Variants in SEZ6L observed in about 807,000 individuals in gnomAD.
SEZ6L encodes the protein seizure related 6 homolog like, also known as seizure 6-like protein.
Under a neutral mutation model 106.2 loss-of-function variants are expected in SEZ6L, and 37 were observed. That is an observed-to-expected ratio of 0.35 (90% CI 0.27 to 0.46). The LOEUF (loss-of-function observed/expected upper bound fraction) is 0.46. Among genes scored for constraint, SEZ6L ranks in the 20% least tolerant of loss-of-function variants. SEZ6L has a pLI of 1.00. For synonymous variants in SEZ6L, 541 were observed against 570.4 expected, an observed-to-expected ratio of 0.95 and a Z score of 0.73; for missense variants, 1,172 against 1,332.8, an observed-to-expected ratio of 0.88 and a Z score of 1.88.
chr22:26,203,450 T>C (rs1400202143), intron 1 of SEZ6L, among the ~76,000 whole-genome samples: 1 of 152,250 alleles, frequency 6.6e-6, no homozygotes, highest in Non-Finnish European at 1.5e-5. Context: ...ATTGTTCACA[T>C]CTTTGGCAAG....
chr22:26,330,348 C>G (rs1171944897), intron 9 of SEZ6L, among the ~76,000 whole-genome samples: 1 of 152,178 alleles, frequency 6.6e-6, no homozygotes, highest in Non-Finnish European at 1.5e-5. Context: ...GTCGTACTTA[C>G]AGGGTTAGTC....
Position 26,351,172 on chromosome 22 carries a change from G to A in SEZ6L, c.2528G>A (p.Ser843Asn). The change falls in exon 12 of 17, where the codon AGT becomes AAT. Residue 843 changes from serine to asparagine, a missense_variant. Physicochemically the swap from Ser to Asn is conservative, Grantham distance 46 (BLOSUM62 1). Coordinates refer to ENST00000248933, the MANE Select transcript of SEZ6L (RefSeq NM_021115.5). ...TCNPGFVLEG[S>N]SLLTCYSRET... ...AACCCCGGTTTTGTGCTTGAAGGGA[G>A]TTCTCTTCTGACCTGCTACAGCCGT... is the stretch of plus-strand genomic sequence containing the variant. The A allele has an allele frequency of 4.3e-6, 7 of 1,614,190 alleles. No homozygotes were observed. Among genetic ancestry groups the A allele is most frequent in the Non-Finnish European group, 5.9e-6 (7 of 1,180,036 alleles).
intron 9 of SEZ6L, among the ~76,000 whole-genome samples, chr22:26,321,756 T>G (rs770017742): frequency 3.3e-5 from 5 of 152,204 alleles, no homozygotes; most frequent in Admixed American, 1.3e-4. Flanking sequence ...TTGCAATTGT[T>G]ATTTTTCACA....
chr22:26,252,744 C>G (rs562748687), intron 1 of SEZ6L, among the ~76,000 whole-genome samples: 26 of 152,162 alleles, frequency 1.7e-4, no homozygotes, highest in African/African-American at 5.8e-4. Context: ...CTGCTAGGGA[C>G]GTGATTTTGT....
intron 9 of SEZ6L, among the ~76,000 whole-genome samples, chr22:26,315,838 A>T (rs1450096881): frequency 6.6e-6 from 1 of 152,032 alleles, no homozygotes; most frequent in Non-Finnish European, 1.5e-5. Flanking sequence ...TAGGAGAATC[A>T]CTTGGGGCCA....
At chr22:26,228,763 G>A (rs1239568901) in intron 1 of SEZ6L, among the ~76,000 whole-genome samples, 2 of 152,144 alleles carry the variant, frequency 1.3e-5, no homozygotes, top group African/African-American at 4.8e-5. Context: ...AGGAAATTGA[G>A]GCTCAGAGAG....
chr22:26,233,839 A>C (rs948819202), intron 1 of SEZ6L, among the ~76,000 whole-genome samples: 1 of 152,164 alleles, frequency 6.6e-6, no homozygotes, highest in Admixed American at 6.5e-5. Flanking sequence ...GTAGTCCCCC[A>C]TAGAAGGTGA....
chr22:26,224,539 G>A (rs1363921464), intron 1 of SEZ6L, among the ~76,000 whole-genome samples: 1 of 152,164 alleles, frequency 6.6e-6, no homozygotes, highest in Non-Finnish European at 1.5e-5. Context: ...ATAGGATTGT[G>A]TAAAACTCAC....
intron 1 of SEZ6L, among the ~76,000 whole-genome samples, chr22:26,264,016 C>T (rs762077801): frequency 4.6e-5 from 7 of 152,220 alleles, no homozygotes; most frequent in Admixed American, 2.6e-4. Context: ...CTCTACCTCA[C>T]GTGTGAAACC....
At chr22:26,367,043 TTACA>T (rs1460207972) in intron 13 of SEZ6L, among the ~76,000 whole-genome samples, 3 of 152,136 alleles carry the variant, frequency 2.0e-5, no homozygotes. Context: ...ATATATACAT[TTACA>T]TACATACATA....
At chr22:26,217,524 A>C (rs1211365178) in intron 1 of SEZ6L, among the ~76,000 whole-genome samples, 1 of 152,218 alleles carries the variant, frequency 6.6e-6, no homozygotes, top group Non-Finnish European at 1.5e-5. Flanking sequence ...TCACTTCTGA[A>C]GACAGCTCTG....
rs142558497 is a variant in SEZ6L, at chr22:26,318,337, G to T, written c.2015+4435G>T. On this transcript the variant is annotated intron_variant, in intron 9 of 16. Transcript: ENST00000248933. ...GATCTGCCTGCCTCAGCCTCCCAAAGTGGTGGGATTACAGGTGTGAGCCAC... is the reference window on the plus strand; with the variant it reads ...GATCTGCCTGCCTCAGCCTCCCAAATTGGTGGGATTACAGGTGTGAGCCAC... Among the ~76,000 whole-genome samples, 265 of 151,954 alleles carry T rather than the reference G, an allele frequency of 1.7e-3. 1 individual carries two copies. The highest frequency in any genetic ancestry group is 5.8e-3 in the African/African-American group (242 of 41,382).
chr22:26,276,237 T>C (rs1269215613), intron 1 of SEZ6L, among the ~76,000 whole-genome samples: 1 of 152,252 alleles, frequency 6.6e-6, no homozygotes, highest in African/African-American at 2.4e-5. Context: ...CCCCAGTGTT[T>C]CTTTAAGGTT....
chr22:26,336,820 C>G (rs1332862224), intron 9 of SEZ6L, among the ~76,000 whole-genome samples: 1 of 152,150 alleles, frequency 6.6e-6, no homozygotes, highest in African/African-American at 2.4e-5. Context: ...TGTTTCCAGA[C>G]ATTGCCAAAT....
chr22:26,361,383 T>A (rs183296948), intron 12 of SEZ6L, among the ~76,000 whole-genome samples: 1 of 149,570 alleles, frequency 6.7e-6, no homozygotes, highest in Non-Finnish European at 1.5e-5. Flanking sequence ...GGCGCATGCC[T>A]GTGGTCCCAG....
chr22:26,377,490 C>T (rs1445706832), intron 15 of SEZ6L, among the ~76,000 whole-genome samples, 183 bp from the exon 16 acceptor site: 1 of 152,138 alleles, frequency 6.6e-6, no homozygotes, highest in African/African-American at 2.4e-5. Flanking sequence ...AAGTTGAGAG[C>T]AATTATGATT....
At chr22:26,373,639 A>G (rs546162002) in intron 14 of SEZ6L, among the ~76,000 whole-genome samples, 156 bp downstream of exon 14, 3 of 152,084 alleles carry the variant, frequency 2.0e-5, no homozygotes, top group African/African-American at 4.8e-5. Flanking sequence ...ATTGTAGGGG[A>G]AAAAAAATTA....
chr22:26,315,504 G>T (rs1236129202), intron 9 of SEZ6L, among the ~76,000 whole-genome samples: 1 of 151,982 alleles, frequency 6.6e-6, no homozygotes, highest in Non-Finnish European at 1.5e-5. Flanking sequence ...GTCCCCAGAG[G>T]CTGTCCCAGA....
chr22:26,346,633 T>C (rs2083016802), intron 10 of SEZ6L, among the ~76,000 whole-genome samples: 1 of 152,224 alleles, frequency 6.6e-6, no homozygotes, highest in East Asian at 1.9e-4. Flanking sequence ...GAAGGCTTGA[T>C]AAGCACTGGA....
Sources: gnomAD v4.1 joint callset for allele counts (sites outside exome capture counted in the v4.1 genomes callset) on GRCh38, gnomAD v4.1.1 for gene constraint, MANE v1.5 for transcripts, NCBI Gene and HGNC (gene_info 2026-07-23, HGNC 2026-07-21) for gene names.